Variants in ARAP2 observed in about 807,000 individuals in gnomAD.
ARAP2 encodes the protein ArfGAP with RhoGAP domain, ankyrin repeat and PH domain 2, also known as arf-GAP with Rho-GAP domain, ANK repeat and PH domain-containing protein 2.
ARAP2 carries 148 observed loss-of-function variants against 194.5 expected under a neutral mutation model. That is an observed-to-expected ratio of 0.76 (90% CI 0.67 to 0.87). ARAP2 has a LOEUF of 0.87. Ranked by LOEUF, ARAP2 falls within the 40% of genes least tolerant of loss-of-function variation. The pLI is 0.00. For synonymous variants in ARAP2, 695 were observed against 683.5 expected (o/e 1.02, Z -0.26); for missense variants, 2,128 against 1,989.7 (o/e 1.07, Z -1.32).
At chr4:36,080,642 T>C (rs565222057) in intron 30 of ARAP2, among the ~76,000 whole-genome samples, 1 of 152,162 alleles carries the variant, frequency 6.6e-6, no homozygotes. Context: ...AAGAAAAATA[T>C]GTGCACATCC....
chr4:36,129,866 T>A (rs1188430173), intron 20 of ARAP2, among the ~76,000 whole-genome samples: 1 of 151,336 alleles, frequency 6.6e-6, no homozygotes, highest in Non-Finnish European at 1.5e-5. Context: ...CACCCATACA[T>A]CTTATGGCAA....
At chr4:36,149,203 G>A (rs906681019) in intron 16 of ARAP2, among the ~76,000 whole-genome samples, 4 of 152,040 alleles carry the variant, frequency 2.6e-5, no homozygotes, top group African/African-American at 9.7e-5. Context: ...CCCCAAGCCT[G>A]TTGTATCCCC....
chr4:36,174,982 T>C (rs1209368826), intron 9 of ARAP2, among the ~76,000 whole-genome samples: 1 of 152,192 alleles, frequency 6.6e-6, no homozygotes, highest in East Asian at 1.9e-4. Context: ...TATGTATAAA[T>C]TAGAGGCAAG....
Position 36,068,188 on chromosome 4 carries a change from C to T in ARAP2, c.4834G>A (p.Val1612Met). 1 of 1,613,942 alleles carries T rather than the reference C, an allele frequency of 6.2e-7. No homozygotes were observed. The highest frequency in any genetic ancestry group is 8.5e-7 in the Non-Finnish European group (1 of 1,179,894). The change falls in exon 33 of 33, where the codon GTG becomes ATG. Residue 1612 changes from valine (V) to methionine (M), a missense_variant. By Grantham distance (21) the Val-to-Met change is conservative (BLOSUM62 1). Coordinates refer to ENST00000303965, the MANE Select transcript of ARAP2 (RefSeq NM_015230.4). ...TCCTTGTGCTCCAGGCAGTGGGCCA[C>T]CATGGAAGCTCTCTCCTTTAAGCTA... is the stretch of plus-strand genomic sequence containing the variant. ...DSSLKERASMVAHCLEHKDDK... is the reference protein window; with the variant it reads ...DSSLKERASMMAHCLEHKDDK...
chr4:36,208,901 A>G (rs1459831577), intron 6 of ARAP2, among the ~76,000 whole-genome samples: 1 of 152,186 alleles, frequency 6.6e-6, no homozygotes, highest in Non-Finnish European at 1.5e-5. Context: ...ATAAATCCAG[A>G]AAACTTACAG....
intron 2 of ARAP2, among the ~76,000 whole-genome samples, chr4:36,216,417 C>T (rs533169526): frequency 1.3e-5 from 2 of 152,202 alleles, no homozygotes; most frequent in South Asian, 4.1e-4. Context: ...TTAAGTAATG[C>T]TGGCAGCAAA....
At chr4:36,102,446 A>G (rs1458774243) in intron 27 of ARAP2, among the ~76,000 whole-genome samples, 1 of 152,020 alleles carries the variant, frequency 6.6e-6, no homozygotes, top group African/African-American at 2.4e-5. Flanking sequence ...GCTCAGTTAT[A>G]AACTGTTTCA....
chr4:36,202,718 T>G (rs1008983006), intron 6 of ARAP2, among the ~76,000 whole-genome samples: 2 of 152,272 alleles, frequency 1.3e-5, no homozygotes, highest in South Asian at 4.2e-4. Context: ...AGCTTCCAGT[T>G]AAAAATCTCA....
chr4:36,105,473 GA>G (rs1718137088), intron 27 of ARAP2, among the ~76,000 whole-genome samples: 1 of 151,912 alleles, frequency 6.6e-6, no homozygotes, highest in South Asian at 2.1e-4. Context: ...AGATCTTACA[GA>G]GGCTTGATGC....
chr4:36,104,617 A>C (rs1717887261), intron 27 of ARAP2, among the ~76,000 whole-genome samples: 1 of 152,028 alleles, frequency 6.6e-6, no homozygotes, highest in South Asian at 2.1e-4. Flanking sequence ...ACGACTTAAG[A>C]AATTGATTTT....
chr4:36,213,775 T>G (rs188417003), intron 3 of ARAP2, among the ~76,000 whole-genome samples: 2 of 152,214 alleles, frequency 1.3e-5, no homozygotes, highest in Non-Finnish European at 1.5e-5. Context: ...TCACTTAAAA[T>G]CCCAGAAGGC....
At chr4:36,049,966 T>G (rs1049544608) in intron 3 of ARAP2, among the ~76,000 whole-genome samples, 2 of 152,176 alleles carry the variant, frequency 1.3e-5, no homozygotes, top group African/African-American at 4.8e-5. Context: ...GTAATTTATT[T>G]TTGCGGTAAT....
intron 2 of ARAP2, among the ~76,000 whole-genome samples, chr4:36,053,451 A>C (rs1387043550): frequency 6.6e-6 from 1 of 152,164 alleles, no homozygotes; most frequent in African/African-American, 2.4e-5. Context: ...TCCAAACCAG[A>C]AAGTTACTTT....
chr4:36,018,400 C>G (rs141580738), intron 6 of ARAP2, among the ~76,000 whole-genome samples: 27 of 148,024 alleles, frequency 1.8e-4, no homozygotes, highest in African/African-American at 6.3e-4. Context: ...AGAACTGTTG[C>G]AACCACCATA....
intron 9 of ARAP2, among the ~76,000 whole-genome samples, chr4:36,176,884 T>C (rs1021837921): frequency 6.6e-6 from 1 of 152,184 alleles, no homozygotes; most frequent in East Asian, 1.9e-4. Context: ...TTATAAAAAA[T>C]AGTCAGCATT....
At chr4:36,087,538 CAAA>C (rs996717469) in intron 28 of ARAP2, among the ~76,000 whole-genome samples, 5 of 152,010 alleles carry the variant, frequency 3.3e-5, no homozygotes, top group Non-Finnish European at 5.9e-5. Flanking sequence ...ATGATCCTTT[CAAA>C]AAGATACAAA....
chr4:36,114,142 A>C lies in ARAP2; in HGVS notation c.4156+28T>G, dbSNP rs187860854. 219 of 1,412,890 alleles carry C rather than the reference A, an allele frequency of 1.6e-4. No homozygotes were observed. The African/African-American group carries it at 2.9e-3, about 18-fold the overall frequency. 87.5% of individuals were successfully genotyped at this position (1,412,890 alleles called of 1,614,324 possible). A position where few individuals can be genotyped will look rare whatever the true frequency, so the allele number is the denominator to read the frequency against. Reference sequence around the variant, plus strand: ...GTACTTTTTACAGTATAAGTAATTTAAGAATCCCTAGCATAAAAATCACTT... The same window carrying C: ...GTACTTTTTACAGTATAAGTAATTTCAGAATCCCTAGCATAAAAATCACTT... On this transcript the variant is annotated intron_variant, in intron 26 of 32. Transcript: ENST00000303965.
chr4:36,114,135 G>T, intron 26 of ARAP2, 35 bp downstream of exon 26: 1 of 1,354,282 alleles, frequency 7.4e-7, no homozygotes, highest in Non-Finnish European at 1.0e-6. Context: ...TACAGTATAA[G>T]TAATTTAAGA....
chr4:36,101,473 A>G (rs1202115304), intron 27 of ARAP2, among the ~76,000 whole-genome samples: 1 of 151,120 alleles, frequency 6.6e-6, no homozygotes, highest in Non-Finnish European at 1.5e-5. Flanking sequence ...TACTGTTTTC[A>G]TTATTACATT....
Sources: gnomAD v4.1 joint callset for allele counts (sites outside exome capture counted in the v4.1 genomes callset) on GRCh38, gnomAD v4.1.1 for gene constraint, MANE v1.5 for transcripts, NCBI Gene and HGNC (gene_info 2026-07-23, HGNC 2026-07-21) for gene names.